The following ALMS1 variants were observed in gnomAD, a reference collection of about 807,000 sequenced individuals.
The protein encoded by ALMS1 is ALMS1 centrosome and basal body associated protein.
In ALMS1, 271 loss-of-function variants were observed where a neutral mutation model predicts 352.2. The ratio of observed to expected loss-of-function variants is 0.77; its 90% CI spans 0.70 to 0.85. ALMS1 has a LOEUF of 0.85. ALMS1 is among the 40% of genes least tolerant of loss of function. ALMS1 has a pLI of 0.00. For synonymous variants in ALMS1, 1,865 were observed against 1,761.2 expected (o/e 1.06, Z -1.48); for missense variants, 5,445 against 4,870.7 (o/e 1.12, Z -3.51).
At chr2:73,388,523 T>A (rs990732754) in intron 1 of ALMS1, among the ~76,000 whole-genome samples, 3 of 152,196 alleles carry the variant, frequency 2.0e-5, no homozygotes, top group Non-Finnish European at 2.9e-5. Flanking sequence ...TTTATGCCTC[T>A]GTGTACCCAT....
At chr2:73,482,186 G>A (rs887034464) in intron 9 of ALMS1, among the ~76,000 whole-genome samples, 2 of 152,020 alleles carry the variant, frequency 1.3e-5, no homozygotes, top group Non-Finnish European at 2.9e-5. Flanking sequence ...CCAGTTTTTG[G>A]GCATTCAGTA....
At chr2:73,593,967 C>T (rs1675491685) in intron 16 of ALMS1, among the ~76,000 whole-genome samples, 1 of 152,202 alleles carries the variant, frequency 6.6e-6, no homozygotes, top group Non-Finnish European at 1.5e-5. Context: ...CACATTGTAT[C>T]TATTCATCAG....
At chr2:73,392,646 G>A (rs777843505) in intron 1 of ALMS1, among the ~76,000 whole-genome samples, 92 of 152,206 alleles carry the variant, frequency 6.0e-4, no homozygotes, top group Non-Finnish European at 9.0e-4. Flanking sequence ...AATGGTTTCA[G>A]GATTCACCTG....
chr2:73,417,756 T>C (rs1367353034), intron 2 of ALMS1, among the ~76,000 whole-genome samples: 1 of 152,230 alleles, frequency 6.6e-6, no homozygotes, highest in African/African-American at 2.4e-5. Context: ...AGTGTTCATT[T>C]CTAATCAAAT....
At chr2:73,388,383 C>T (rs1313464095) in intron 1 of ALMS1, among the ~76,000 whole-genome samples, 1 of 152,050 alleles carries the variant, frequency 6.6e-6, no homozygotes, top group East Asian at 1.9e-4. Flanking sequence ...AAATAATATA[C>T]CTTTGTACGT....
intron 16 of ALMS1, among the ~76,000 whole-genome samples, chr2:73,579,986 CTTCTT>C (rs1252592742): frequency 6.6e-6 from 1 of 152,190 alleles, no homozygotes; most frequent in East Asian, 1.9e-4. Flanking sequence ...TTCTTTCTCT[CTTCTT>C]TTGGGATTCC....
intron 3 of ALMS1, among the ~76,000 whole-genome samples, chr2:73,422,013 T>C (rs774604906): frequency 3.5e-4 from 54 of 152,184 alleles, no homozygotes; most frequent in Non-Finnish European, 6.3e-4. Flanking sequence ...TTTTACACTT[T>C]TAAAAATTAC....
At chr2:73,460,144 T>G (rs979065493) in intron 9 of ALMS1, among the ~76,000 whole-genome samples, 44 of 152,162 alleles carry the variant, frequency 2.9e-4, no homozygotes, top group Non-Finnish European at 3.2e-4. Context: ...CCCTTGTATG[T>G]TTCTCCCTCA....
intron 6 of ALMS1, among the ~76,000 whole-genome samples, chr2:73,429,266 A>C (rs2103727386): frequency 6.8e-6 from 1 of 146,758 alleles, no homozygotes; most frequent in Admixed American, 6.8e-5. Context: ...GTAGCAGCAC[A>C]TAATTAATAT....
rs376559725 is a variant in ALMS1, at chr2:73,432,125, G to A, written c.1339-73G>A. 1,344 of 1,076,404 alleles carry A rather than the reference G, an allele frequency of 1.2e-3. 2 individuals carry two copies. Among genetic ancestry groups the A allele is most frequent in the Non-Finnish European group, 1.7e-3 (1,201 of 694,430 alleles). 66.7% of individuals were successfully genotyped at this position (1,076,404 alleles called of 1,614,324 possible). ...AATATCTTATTTTCTTCATTTCTTC[G>A]TAGGTGGGTCATTCTAATCTGGGCA... is the stretch of plus-strand genomic sequence containing the variant. On this transcript the variant is annotated intron_variant, in intron 6 of 22. Transcript: ENST00000613296.
At chr2:73,395,743 T>C (rs1670746984) in intron 1 of ALMS1, among the ~76,000 whole-genome samples, 1 of 152,202 alleles carries the variant, frequency 6.6e-6, no homozygotes, top group Non-Finnish European at 1.5e-5. Context: ...ATATATAGCT[T>C]TATTTTTTCT....
Position 73,448,283 on chromosome 2 carries a change from C to T in ALMS1, c.1756C>T (p.Gln586Ter), listed in dbSNP as rs2103772104. 1 of 1,614,034 alleles carries T rather than the reference C, an allele frequency of 6.2e-7. No homozygotes were observed. The highest frequency in any genetic ancestry group is 1.7e-5 in the Admixed American group (1 of 59,994). The change falls in exon 8 of 23, where the codon CAG (glutamine) becomes TAG (stop). Residue 586 changes from glutamine to a stop codon, truncating the protein, a stop_gained. Transcript: ENST00000613296. LOFTEE classifies it high-confidence loss of function. ...TAGGGGGAAGCCCAGCATTTTCTAC[C>T]AGCAGGGCTTGCCAGACAGTCATCT... ...SHRGKPSIFY[Q>*]QGLPDSHLTE...
intron 9 of ALMS1, among the ~76,000 whole-genome samples, chr2:73,455,830 C>G (rs966707779): frequency 2.0e-5 from 3 of 151,664 alleles, no homozygotes; most frequent in African/African-American, 7.3e-5. Context: ...AACTGATTTG[C>G]TTGTTTTATC....
At chr2:73,558,808 A>AT (rs527828917) in intron 14 of ALMS1, among the ~76,000 whole-genome samples, 164 bp from the exon 15 acceptor site, 51 of 152,072 alleles carry the variant, frequency 3.4e-4, no homozygotes, top group African/African-American at 1.1e-3. Flanking sequence ...TACGTATGTG[A>AT]TTTTTTGCCC....
chr2:73,449,248 C>G lies in ALMS1; in HGVS notation c.2721C>G (p.Phe907Leu). The G allele has an allele frequency of 6.2e-7, 1 of 1,613,770 alleles. No individual in the cohort carries two copies. The highest frequency in any genetic ancestry group is 1.1e-5 in the South Asian group (1 of 91,062). The change falls in exon 8 of 23, where the codon TTC becomes TTG. Residue 907 changes from phenylalanine to leucine, a missense_variant. Phe to Leu is a conservative substitution (Grantham distance 22, BLOSUM62 0). Transcript: ENST00000613296. ...KTGIPSAPSS[F>L]YSHREKPIIF... Reference sequence around the variant, plus strand: ...GGATACCCTCAGCACCATCTAGTTTCTACTCACACAGAGAGAAGCCCATTA... The same window carrying G: ...GGATACCCTCAGCACCATCTAGTTTGTACTCACACAGAGAGAAGCCCATTA...
chr2:73,603,344 C>A, intron 21 of ALMS1, 40 bp downstream of exon 21: 1 of 1,595,128 alleles, frequency 6.3e-7, no homozygotes, highest in South Asian at 1.1e-5. Context: ...CAAGTGTAAA[C>A]CAGGCCACCA....
intron 12 of ALMS1, among the ~76,000 whole-genome samples, chr2:73,542,360 G>A (rs1674204194): frequency 6.6e-6 from 1 of 152,074 alleles, no homozygotes; most frequent in South Asian, 2.1e-4. Flanking sequence ...GTATTGATGG[G>A]ACATATCTCA....
At chr2:73,560,966 C>G (rs1439090319) in intron 15 of ALMS1, among the ~76,000 whole-genome samples, 1 of 152,214 alleles carries the variant, frequency 6.6e-6, no homozygotes, top group Non-Finnish European at 1.5e-5. Context: ...ACAAAGACAG[C>G]ACTTGACTTT....
intron 10 of ALMS1, among the ~76,000 whole-genome samples, chr2:73,515,768 T>TACACACACAC (rs71406825): frequency 0.026 from 3,612 of 141,496 alleles, 64 homozygotes; most frequent in African/African-American, 0.037. Flanking sequence ...TCCACAGAAA[T>TACACACACAC]ACACACACAC....
Sources: gnomAD v4.1 joint callset for allele counts (sites outside exome capture counted in the v4.1 genomes callset) on GRCh38, gnomAD v4.1.1 for gene constraint, MANE v1.5 for transcripts, NCBI Gene and HGNC (gene_info 2026-07-23, HGNC 2026-07-21) for gene names.